Variants in OR51L1 observed in about 807,000 individuals in gnomAD.
OR51L1 encodes olfactory receptor family 51 subfamily L member 1, also known as olfactory receptor 51L1.
A neutral mutation model predicts 1.4 loss-of-function variants in OR51L1; 1 was observed. That is an observed-to-expected ratio of 0.72 (90% confidence interval 0.26 to 3.42). OR51L1 has a LOEUF of 3.42. OR51L1 is among the 30% of genes most tolerant of loss of function. The probability of loss-of-function intolerance (pLI) is 0.20; values close to 1 mark genes in which losing one functional copy is unlikely to be tolerated. For missense variants in OR51L1, 378 were observed against 380.0 expected (o/e 0.99, Z 0.04); for synonymous variants, 156 against 144.2 (o/e 1.08, Z -0.59).
rs991092542 is a variant in OR51L1 at position 5,000,075 on chromosome 11, C to A, written c.*145C>A. On this transcript the variant is annotated 3_prime_UTR_variant, in exon 3 of 3. Coordinates refer to ENST00000641819, the MANE Select transcript of OR51L1 (RefSeq NM_001004755.2). Reference sequence around the variant, plus strand: ...ACATGTAATTTCAGTTAATCTTTAACCAATATGAAACTCAGGATTTTTTTG... The same window carrying A: ...ACATGTAATTTCAGTTAATCTTTAAACAATATGAAACTCAGGATTTTTTTG... 1 of 896,656 alleles carries A rather than the reference C, an allele frequency of 1.1e-6. No homozygotes were observed. Among genetic ancestry groups the A allele is most frequent in the Non-Finnish European group, 1.6e-6 (1 of 623,580 alleles). 55.5% of individuals were successfully genotyped at this position (896,656 alleles called of 1,614,324 possible).
In OR51L1 at chr11:5,001,079, A is replaced by G. The variant is rs1265462831; in HGVS notation, c.*1149A>G. The G allele has an allele frequency of 6.6e-6, 1 of 151,962 alleles. No individual in the cohort carries two copies. Among genetic ancestry groups the G allele is most frequent in the African/African-American group, 2.4e-5 (1 of 41,356 alleles). 9.4% of individuals were successfully genotyped at this position (151,962 alleles called of 1,614,324 possible). A position where few individuals can be genotyped will look rare whatever the true frequency, so the allele number is the denominator to read the frequency against. ...AGGTCTGCGCCACCATCCCCAGCTA[A>G]TTTTTGTATTTTTAGTAGATGCGGG... On this transcript the variant is annotated 3_prime_UTR_variant, in exon 3 of 3. Transcript: ENST00000641819.
chr11:4,994,898 C>T lies in OR51L1; in HGVS notation c.-699C>T, dbSNP rs1279689518. ...GGTTCATAGAGACTTAAAATTGTAGCATCTTTAATCAGTACAGGTTTGATT... is the reference window on the plus strand; with the variant it reads ...GGTTCATAGAGACTTAAAATTGTAGTATCTTTAATCAGTACAGGTTTGATT... On this transcript the variant is annotated 5_prime_UTR_variant, in exon 1 of 3. Transcript: ENST00000641819. 4 of 152,092 alleles carry T rather than the reference C, an allele frequency of 2.6e-5. No homozygotes were observed. The highest frequency in any genetic ancestry group is 9.7e-5 in the African/African-American group (4 of 41,418). The allele number at this position is 152,092 out of a possible 1,614,324, so 9.4% of individuals were successfully genotyped here. A position where few individuals can be genotyped will look rare whatever the true frequency, so the allele number is the denominator to read the frequency against.
At position 5,005,079 on chromosome 11, in the gene OR51L1, T is replaced by C. The variant is rs1048560558; in HGVS notation, c.*5149T>C. 6.6e-6 allele frequency: 1 copy of C among 152,218 alleles called. No individual in the cohort carries two copies. The highest frequency in any genetic ancestry group is 1.5e-5 in the Non-Finnish European group (1 of 68,042). 9.4% of individuals were successfully genotyped at this position (152,218 alleles called of 1,614,324 possible). A position where few individuals can be genotyped will look rare whatever the true frequency, so the allele number is the denominator to read the frequency against. ...GGAAAGGTAAATGGCCTCAGGCATC[T>C]GGGAAGGGCTACCCACAGATCATTC... On this transcript the variant is annotated 3_prime_UTR_variant, in exon 3 of 3. Transcript: ENST00000641819.
Position 4,999,321 on chromosome 11 carries a change from G to C in OR51L1, c.339G>C (p.Glu113Asp), listed in dbSNP as rs1847103310. The C allele has an allele frequency of 1.2e-6, 2 of 1,614,032 alleles. No individual in the cohort carries two copies. Among genetic ancestry groups the C allele is most frequent in the Admixed American group, 1.7e-5 (1 of 60,004 alleles). ...LFFIHTFTFL[E>D]SSVLLAMAFD... The stretch of plus-strand genomic sequence containing the variant: ...TCATCCACACATTCACATTCCTGGA[G>C]TCCTCAGTGTTGCTGGCCATGGCCT... The change falls in exon 3 of 3, where the codon GAG (glutamate) becomes GAC (aspartate). Residue 113 changes from glutamate to aspartate, a missense_variant. Transcript: ENST00000641819.
chr11:5,002,551 T>A lies in OR51L1; in HGVS notation c.*2621T>A, dbSNP rs115814918. 6.6e-6 allele frequency: 1 copy of A among 151,742 alleles called. No homozygotes were observed. Among genetic ancestry groups the A allele is most frequent in the Non-Finnish European group, 1.5e-5 (1 of 67,924 alleles). 9.4% of individuals were successfully genotyped at this position (151,742 alleles called of 1,614,324 possible). A position where few individuals can be genotyped will look rare whatever the true frequency, so the allele number is the denominator to read the frequency against. Reference sequence around the variant, plus strand: ...AAGTCCAGTAGAAAGCCTTCAATTTTTTTTTTTTTACCTTTTCAGGAATTG... The same window carrying A: ...AAGTCCAGTAGAAAGCCTTCAATTTATTTTTTTTTACCTTTTCAGGAATTG... On this transcript the variant is annotated 3_prime_UTR_variant, in exon 3 of 3. Transcript: ENST00000641819.
At position 4,995,201 on chromosome 11, in the gene OR51L1, A is replaced by T. The variant is rs1172042247; in HGVS notation, c.-396A>T. On this transcript the variant is annotated 5_prime_UTR_variant, in exon 1 of 3. Coordinates refer to ENST00000641819, the MANE Select transcript of OR51L1 (RefSeq NM_001004755.2). Reference sequence around the variant, plus strand: ...CCACAGACATAGGAACAGAAAGAAAATATGACTTTAACTATAGTGAAGAAA... The same window carrying T: ...CCACAGACATAGGAACAGAAAGAAATTATGACTTTAACTATAGTGAAGAAA... 1 of 152,130 alleles carries T rather than the reference A, an allele frequency of 6.6e-6. No individual in the cohort carries two copies. The highest frequency in any genetic ancestry group is 2.4e-5 in the African/African-American group (1 of 41,440). 9.4% of individuals were successfully genotyped at this position (152,130 alleles called of 1,614,324 possible). A position where few individuals can be genotyped will look rare whatever the true frequency, so the allele number is the denominator to read the frequency against.
rs888108943 is a variant in OR51L1, at chr11:5,004,721, T to C, written c.*4791T>C. 1 of 152,170 alleles carries C rather than the reference T, an allele frequency of 6.6e-6. No homozygotes were observed. Among genetic ancestry groups the C allele is most frequent in the African/African-American group, 2.4e-5 (1 of 41,436 alleles). The allele number at this position is 152,170 out of a possible 1,614,324, so 9.4% of individuals were successfully genotyped here. ...TTGTTGCAGAGTAAGCAATGAAGTC[T>C]ATATTTGAAACTGGGACAATAAATA... On this transcript the variant is annotated 3_prime_UTR_variant, in exon 3 of 3. Coordinates refer to ENST00000641819, the MANE Select transcript of OR51L1 (RefSeq NM_001004755.2).
intron 1 of OR51L1, among the ~76,000 whole-genome samples, chr11:4,997,031 G>C (rs1220350214): frequency 6.6e-6 from 1 of 152,104 alleles, no homozygotes; most frequent in Non-Finnish European, 1.5e-5. Context: ...TGAAGAATTT[G>C]ATGGGTAGCT....
In OR51L1 at chr11:4,995,093, T is replaced by C. The variant is rs552135905; in HGVS notation, c.-504T>C. The C allele has an allele frequency of 4.0e-5, 6 of 150,938 alleles. No individual in the cohort carries two copies. The highest frequency in any genetic ancestry group is 1.3e-4 in the Admixed American group (2 of 15,142). 9.3% of individuals were successfully genotyped at this position (150,938 alleles called of 1,614,324 possible). A position where few individuals can be genotyped will look rare whatever the true frequency, so the allele number is the denominator to read the frequency against. ...GACACAAACTTAGATAAAAACAAAA[T>C]ATAAAAAAATGGCAGCAGGAAGGAG... is the stretch of plus-strand genomic sequence containing the variant. On this transcript the variant is annotated 5_prime_UTR_variant, in exon 1 of 3. Transcript: ENST00000641819.
chr11:4,999,114 T>A lies in OR51L1; in HGVS notation c.132T>A (p.Asn44Lys), dbSNP rs146234178. The change falls in exon 3 of 3, where the codon AAT (asparagine) becomes AAA (lysine). Residue 44 changes from asparagine to lysine, a missense_variant. Asn to Lys is a moderately conservative substitution (Grantham distance 94). Coordinates refer to ENST00000641819, the MANE Select transcript of OR51L1 (RefSeq NM_001004755.2). ...CATATTTGGTAGCATTTATGGGTAATGTTACCATCCTGTCTGTCATTTGGA... is the reference window on the plus strand; with the variant it reads ...CATATTTGGTAGCATTTATGGGTAAAGTTACCATCCTGTCTGTCATTTGGA... The part of the protein sequence containing the change: ...CLAYLVAFMG[N>K]VTILSVIWIE... The A allele has an allele frequency of 6.2e-7, 1 of 1,614,180 alleles. No homozygotes were observed. Among genetic ancestry groups the A allele is most frequent in the South Asian group, 1.1e-5 (1 of 91,084 alleles).
intron 2 of OR51L1, 60 bp from the exon 3 acceptor site, chr11:4,998,764 A>T (rs1847095344): frequency 3.8e-6 from 2 of 521,986 alleles, no homozygotes; most frequent in South Asian, 7.0e-5. Context: ...ATATTTGTGT[A>T]GTCCACATTT....
Position 4,999,870 on chromosome 11 carries a change from C to T in OR51L1, c.888C>T (p.Val296=), listed in dbSNP as rs768955595. 5.8e-5 allele frequency: 94 copies of T among 1,613,598 alleles called. No homozygotes were observed. The highest frequency in any genetic ancestry group is 3.4e-6 in the Non-Finnish European group (4 of 1,179,760). ...TCCTTAACCCTATTGTCTATAGTGTCAGAACAAAGCAGATTCGTCTAGGAA... is the reference window on the plus strand; with the variant it reads ...TCCTTAACCCTATTGTCTATAGTGTTAGAACAAAGCAGATTCGTCTAGGAA... ...PPVLNPIVYS[V]RTKQIRLGIL... is the part of the protein sequence containing the mutation. The change falls in exon 3 of 3, where the codon GTC becomes GTT. Residue 296 remains valine (V), a synonymous_variant. Transcript: ENST00000641819.
chr11:4,999,362 C>T lies in OR51L1; in HGVS notation c.380C>T (p.Ala127Val), dbSNP rs147341630. 6.2e-5 allele frequency: 100 copies of T among 1,614,136 alleles called. No homozygotes were observed. In the East Asian group the frequency reaches 2.1e-3, roughly 34 times the overall value. Residue 127 changes from alanine to valine, a missense_variant, in exon 3 of 3, where the codon GCT becomes GTT. Physicochemically the swap from Ala to Val is moderately conservative, Grantham distance 64. Transcript: ENST00000641819. ...GCCATGGCCTTTGACCGTTTTGTTG[C>T]TATCTGCCATCCACTGCACTACCCC... The part of the protein sequence containing the change: ...LLAMAFDRFV[A>V]ICHPLHYPTI...
At position 5,005,462 on chromosome 11, in the gene OR51L1, C is replaced by T. The variant is rs1468432679; in HGVS notation, c.*5532C>T. On this transcript the variant is annotated 3_prime_UTR_variant, in exon 3 of 3. Coordinates refer to ENST00000641819, the MANE Select transcript of OR51L1 (RefSeq NM_001004755.2). ...GATAAATACACAATGTCCTGAAAACCTTTGTGGAAATAGCCACAGATGTGT... is the reference window on the plus strand; with the variant it reads ...GATAAATACACAATGTCCTGAAAACTTTTGTGGAAATAGCCACAGATGTGT... The T allele has an allele frequency of 6.6e-6, 1 of 152,124 alleles. No individual in the cohort carries two copies. The highest frequency in any genetic ancestry group is 1.5e-5 in the Non-Finnish European group (1 of 68,018). 9.4% of individuals were successfully genotyped at this position (152,124 alleles called of 1,614,324 possible).
rs1847096375 is a variant in OR51L1, at chr11:4,998,862, T to G, written c.-121T>G. 1.8e-6 allele frequency: 2 copies of G among 1,084,672 alleles called. No individual in the cohort carries two copies. The highest frequency in any genetic ancestry group is 1.6e-5 in the African/African-American group (1 of 63,220). The allele number at this position is 1,084,672 out of a possible 1,614,324, so 67.2% of individuals were successfully genotyped here. A position where few individuals can be genotyped will look rare whatever the true frequency, so the allele number is the denominator to read the frequency against. On this transcript the variant is annotated 5_prime_UTR_variant, in exon 3 of 3. Transcript: ENST00000641819. The stretch of plus-strand genomic sequence containing the variant: ...TACCAGCTTCCTTCCTCTGTGAGGT[T>G]AGACGAAAGATGTATTTTTGTCCTC...
In OR51L1 at chr11:5,003,990, G is replaced by A. The variant is rs770548855; in HGVS notation, c.*4060G>A. 2 of 152,146 alleles carry A rather than the reference G, an allele frequency of 1.3e-5. No homozygotes were observed. The highest frequency in any genetic ancestry group is 4.8e-5 in the African/African-American group (2 of 41,434). The allele number at this position is 152,146 out of a possible 1,614,324, so 9.4% of individuals were successfully genotyped here. A position where few individuals can be genotyped will look rare whatever the true frequency, so the allele number is the denominator to read the frequency against. On this transcript the variant is annotated 3_prime_UTR_variant, in exon 3 of 3. Coordinates refer to ENST00000641819, the MANE Select transcript of OR51L1 (RefSeq NM_001004755.2). Reference sequence around the variant, plus strand: ...CCAGTAAGAAGACAAAAATCACACAGTAATTTGAATAGAGTTTATAAATAC... The same window carrying A: ...CCAGTAAGAAGACAAAAATCACACAATAATTTGAATAGAGTTTATAAATAC...
chr11:4,995,924 G>T (rs1354194058), intron 1 of OR51L1, among the ~76,000 whole-genome samples: 2 of 152,084 alleles, frequency 1.3e-5, no homozygotes, highest in South Asian at 4.1e-4. Flanking sequence ...AAACGGGAAA[G>T]GGGCTTAGGG....
rs1472708990 is a variant in OR51L1, at chr11:5,002,648, A to C, written c.*2718A>C. ...TTCAATGACTAATGTAGAAAGTTGG[A>C]AAGGTCTGGCCCCTTCAGCCCAGTG... On this transcript the variant is annotated 3_prime_UTR_variant, in exon 3 of 3. Transcript: ENST00000641819. 2 of 152,096 alleles carry C rather than the reference A, an allele frequency of 1.3e-5. No homozygotes were observed. The highest frequency in any genetic ancestry group is 1.3e-4 in the Admixed American group (2 of 15,278). 9.4% of individuals were successfully genotyped at this position (152,096 alleles called of 1,614,324 possible).
rs746259216 is a variant in OR51L1, at chr11:4,999,241, T to C, written c.259T>C (p.Leu87=). ...LSTLPTMLAV[L]WLDAPEIQAS... ...TACACTTCCCACCATGCTTGCTGTG[T>C]TATGGTTGGATGCTCCAGAGATCCA... The change falls in exon 3 of 3, where the codon TTA becomes CTA. Residue 87 remains leucine, a synonymous_variant. Transcript: ENST00000641819. 6.2e-7 allele frequency: 1 copy of C among 1,614,192 alleles called. No individual in the cohort carries two copies. The highest frequency in any genetic ancestry group is 8.5e-7 in the Non-Finnish European group (1 of 1,180,026).
Sources: gnomAD v4.1 joint callset for allele counts (sites outside exome capture counted in the v4.1 genomes callset) on GRCh38, gnomAD v4.1.1 for gene constraint, MANE v1.5 for transcripts, NCBI Gene and HGNC (gene_info 2026-07-23, HGNC 2026-07-21) for gene names.